The following CYP2C19 variants were observed in gnomAD, a reference collection of about 807,000 sequenced individuals.
CYP2C19 encodes the protein cytochrome P450 family 2 subfamily C member 19.
A neutral mutation model predicts 40.9 loss-of-function variants in CYP2C19; 59 were observed. That is an observed-to-expected ratio of 1.44 (90% CI 1.17 to 1.79). The LOEUF (loss-of-function observed/expected upper bound fraction) is 1.79, where lower values mean the gene tolerates loss of function less well. Ranked by LOEUF, CYP2C19 falls within the 40% of genes most tolerant of loss-of-function variation. The pLI is 0.00. For synonymous variants in CYP2C19, 253 were observed against 208.7 expected (o/e 1.21, Z -1.83); for missense variants, 754 against 596.9 (o/e 1.26, Z -2.74).
At chr10:94,852,542 A>G (rs1159984429) in intron 8 of CYP2C19, among the ~76,000 whole-genome samples, 191 bp from the exon 9 acceptor site, 1 of 152,130 alleles carries the variant, frequency 6.6e-6, no homozygotes, top group East Asian at 1.9e-4. Context: ...CCATCCATTC[A>G]TCCATTAATC....
intron 6 of CYP2C19, among the ~76,000 whole-genome samples, chr10:94,833,364 TC>T (rs1181267652): frequency 6.6e-6 from 1 of 152,212 alleles, no homozygotes; most frequent in Non-Finnish European, 1.5e-5. Flanking sequence ...CTTTCAGTTT[TC>T]CCCACTCAGT....
At chr10:94,799,193 G>T (rs1589358318) in intron 5 of CYP2C19, among the ~76,000 whole-genome samples, 1 of 152,034 alleles carries the variant, frequency 6.6e-6, no homozygotes, top group Admixed American at 6.6e-5. Flanking sequence ...TGTAAAGCAG[G>T]CCTGGTGGTC....
intron 5 of CYP2C19, among the ~76,000 whole-genome samples, chr10:94,816,632 G>C (rs1423590010): frequency 6.6e-6 from 1 of 150,544 alleles, no homozygotes; most frequent in Non-Finnish European, 1.5e-5. Flanking sequence ...CATTGTGCAG[G>C]TTAGTTACAT....
chr10:94,768,345 C>A (rs1422323241), intron 1 of CYP2C19, among the ~76,000 whole-genome samples: 1 of 152,124 alleles, frequency 6.6e-6, no homozygotes, highest in Non-Finnish European at 1.5e-5. Flanking sequence ...AAATGAACTT[C>A]CTTCGGTATA....
At chr10:94,804,234 C>A (rs904330822) in intron 5 of CYP2C19, among the ~76,000 whole-genome samples, 1 of 152,144 alleles carries the variant, frequency 6.6e-6, no homozygotes, top group Admixed American at 6.5e-5. Context: ...CTAGTCCTGG[C>A]TGTAAATGTC....
intron 8 of CYP2C19, among the ~76,000 whole-genome samples, chr10:94,852,120 G>A (rs1035635368): frequency 1.3e-5 from 2 of 152,122 alleles, no homozygotes; most frequent in African/African-American, 2.4e-5. Context: ...GAGTAGGGGA[G>A]GTGAAGAGTG....
chr10:94,836,827 G>A (rs900053641), intron 6 of CYP2C19, among the ~76,000 whole-genome samples: 1 of 152,188 alleles, frequency 6.6e-6, no homozygotes, highest in African/African-American at 2.4e-5. Context: ...GATGGCACAA[G>A]GTTTCTGAAC....
rs190282395 is a variant in CYP2C19, at chr10:94,810,208, G to C, written c.820-10288G>C. Among the ~76,000 whole-genome samples the C allele has an allele frequency of 3.1e-3, 475 of 152,252 alleles. 3 individuals are homozygous for C. Among genetic ancestry groups the C allele is most frequent in the African/African-American group, 0.011 (451 of 41,562 alleles). ...ATTTATTGATTTGCATGTGTTGAACGAGCCTTGCATCCCAGGGATGAAGCC... is the reference window on the plus strand; with the variant it reads ...ATTTATTGATTTGCATGTGTTGAACCAGCCTTGCATCCCAGGGATGAAGCC... On this transcript the variant is annotated intron_variant, in intron 5 of 8. Transcript: ENST00000371321.
intron 6 of CYP2C19, among the ~76,000 whole-genome samples, chr10:94,829,716 AG>A (rs1849295960): frequency 6.6e-6 from 1 of 151,824 alleles, no homozygotes; most frequent in South Asian, 2.1e-4. Flanking sequence ...GTTCCTTTGG[AG>A]GAGGAGAGGC....
intron 6 of CYP2C19, among the ~76,000 whole-genome samples, chr10:94,827,209 A>G (rs1589369925): frequency 6.6e-6 from 1 of 151,742 alleles, no homozygotes; most frequent in African/African-American, 2.4e-5. Context: ...CTCTTTTTCT[A>G]TTGATTGGAA....
At position 94,775,511 on chromosome 10, in the gene CYP2C19, C is replaced by T; in HGVS notation, c.453C>T (p.Cys151=). ...IEDRVQEEAR[C]LVEELRKTKA... is the part of the protein sequence containing the mutation. The stretch of plus-strand genomic sequence containing the variant: ...ACCGTGTTCAAGAGGAAGCCCGCTG[C>T]CTTGTGGAGGAGTTGAGAAAAACCA... The change falls in exon 3 of 9, where the codon TGC becomes TGT. Residue 151 remains cysteine, a synonymous_variant. Transcript: ENST00000371321. The T allele has an allele frequency of 4.3e-6, 7 of 1,613,952 alleles. No homozygotes were observed. The highest frequency in any genetic ancestry group is 1.1e-5 in the South Asian group (1 of 91,074).
At chr10:94,769,467 A>G (rs967200196) in intron 1 of CYP2C19, among the ~76,000 whole-genome samples, 5 of 152,208 alleles carry the variant, frequency 3.3e-5, no homozygotes, top group African/African-American at 1.2e-4. Flanking sequence ...CTTGAGGTCC[A>G]GAACAGTGAA....
intron 1 of CYP2C19, among the ~76,000 whole-genome samples, chr10:94,768,456 C>G (rs1382548776): frequency 6.6e-6 from 1 of 152,138 alleles, no homozygotes; most frequent in Non-Finnish European, 1.5e-5. Context: ...CCTTGGTTCC[C>G]CATCCTCTGG....
intron 6 of CYP2C19, among the ~76,000 whole-genome samples, chr10:94,823,281 C>A (rs1043459541): frequency 1.3e-5 from 2 of 152,040 alleles, no homozygotes; most frequent in Non-Finnish European, 2.9e-5. Flanking sequence ...CTAATTTTCT[C>A]CCACAAGAAA....
chr10:94,788,436 C>G (rs1223805432), intron 5 of CYP2C19, among the ~76,000 whole-genome samples: 1 of 152,020 alleles, frequency 6.6e-6, no homozygotes, highest in Admixed American at 6.6e-5. Context: ...TGGGGTACAT[C>G]TGCAGAACGT....
chr10:94,779,363 C>T lies in CYP2C19; in HGVS notation c.482-1136C>T, dbSNP rs193203925. Reference sequence around the variant, plus strand: ...AGAGATCCTCCACCAAACAAGAAAACCTTTTGTATAATTTAATTTATTTAG... The same window carrying T: ...AGAGATCCTCCACCAAACAAGAAAATCTTTTGTATAATTTAATTTATTTAG... On this transcript the variant is annotated intron_variant, in intron 3 of 8. Transcript: ENST00000371321. 3.1e-3 allele frequency among the ~76,000 whole-genome samples: 475 copies of T among 152,014 alleles called. 2 individuals are homozygous for T. The highest frequency in any genetic ancestry group is 0.011 in the African/African-American group (452 of 41,502).
chr10:94,809,638 T>G (rs1248667249), intron 5 of CYP2C19, among the ~76,000 whole-genome samples: 2 of 152,022 alleles, frequency 1.3e-5, no homozygotes, highest in African/African-American at 4.8e-5. Context: ...CATCCTTGTC[T>G]TGTGCCAGTT....
chr10:94,835,326 T>C (rs1014071812), intron 6 of CYP2C19, among the ~76,000 whole-genome samples: 1 of 152,182 alleles, frequency 6.6e-6, no homozygotes, highest in African/African-American at 2.4e-5. Context: ...AAAGGTTTGG[T>C]GAAGGGTTTT....
chr10:94,851,028 C>A (rs1011297514), intron 8 of CYP2C19, among the ~76,000 whole-genome samples: 1 of 152,098 alleles, frequency 6.6e-6, no homozygotes, highest in South Asian at 2.1e-4. Context: ...AGGAAAGAAA[C>A]CTTCCTTCAA....
Sources: allele counts gnomAD v4.1 joint callset (sites outside exome capture counted in the v4.1 genomes callset), GRCh38; gene constraint gnomAD v4.1.1; transcripts MANE v1.5; gene names NCBI Gene and HGNC (gene_info 2026-07-23, HGNC 2026-07-21).